Variants in TRHDE observed in about 807,000 individuals in gnomAD.
The protein encoded by TRHDE is thyrotropin releasing hormone degrading enzyme.
Under a neutral mutation model 125.7 loss-of-function variants are expected in TRHDE, and 72 were observed. That is an observed-to-expected ratio of 0.57 (90% CI 0.47 to 0.70). The LOEUF is 0.70. Among genes scored for constraint, TRHDE ranks in the 30% least tolerant of loss-of-function variants. TRHDE has a pLI of 0.00. For synonymous variants in TRHDE, 509 were observed against 509.1 expected, an observed-to-expected ratio of 1.00 and a Z score of 0.00; for missense variants, 1,110 against 1,327.1, an observed-to-expected ratio of 0.84 and a Z score of 2.54.
intron 2 of TRHDE, among the ~76,000 whole-genome samples, chr12:72,323,285 C>A (rs979756092): frequency 6.6e-6 from 1 of 152,126 alleles, no homozygotes; most frequent in Non-Finnish European, 1.5e-5. Context: ...ATATGGATGG[C>A]AGAGTGGCTT....
chr12:72,099,366 C>G (rs984414144), intron 1 of TRHDE, among the ~76,000 whole-genome samples: 11 of 152,236 alleles, frequency 7.2e-5, no homozygotes, highest in Middle Eastern at 3.4e-3. Flanking sequence ...TTTTAGAATA[C>G]TTGTTATATT....
intron 2 of TRHDE, among the ~76,000 whole-genome samples, chr12:72,154,231 T>A (rs1366778958): frequency 6.6e-6 from 1 of 152,114 alleles, no homozygotes; most frequent in East Asian, 1.9e-4. Context: ...CTGCCTTTTT[T>A]TGTTTTCCAT....
At chr12:72,384,279 G>T (rs1175793325) in intron 3 of TRHDE, among the ~76,000 whole-genome samples, 1 of 152,050 alleles carries the variant, frequency 6.6e-6, no homozygotes, top group Non-Finnish European at 1.5e-5. Flanking sequence ...CTTTTATGAA[G>T]AATTCATTAC....
intron 12 of TRHDE, among the ~76,000 whole-genome samples, chr12:72,594,526 C>G (rs1871844597): frequency 7.0e-6 from 1 of 143,406 alleles, no homozygotes. Context: ...TTTAATATTA[C>G]TAGGTATAAA....
At chr12:72,196,951 T>C (rs1388406289) in intron 2 of TRHDE, among the ~76,000 whole-genome samples, 8 of 152,144 alleles carry the variant, frequency 5.3e-5, no homozygotes, top group Non-Finnish European at 1.0e-4. Context: ...CCATTCTCCC[T>C]GAGCCCACTC....
In TRHDE at chr12:72,603,765, C is replaced by CA. The variant is rs60044516; in HGVS notation, c.2322-15119dup. Among the ~76,000 whole-genome samples, 624 of 151,518 alleles carry CA rather than the reference C, an allele frequency of 4.1e-3. 9 individuals are homozygous for CA. In the East Asian group the frequency reaches 0.047, roughly 11 times the overall value. ...AAACAAAACAAAACAACAACAACAA[C>CA]AAAAAAACAATGTAAGTATACAGAT... is the stretch of plus-strand genomic sequence containing the variant. On this transcript the variant is annotated intron_variant, in intron 12 of 18. Coordinates refer to ENST00000261180, the MANE Select transcript of TRHDE (RefSeq NM_013381.3).
chr12:72,535,687 GA>G lies in TRHDE; in HGVS notation c.1723-6594del, dbSNP rs978951527. The stretch of plus-strand genomic sequence containing the variant: ...TAAATATAGCTATCATATTATTATG[GA>G]AAAAAAAAACAGCGAAGAAAACATG... On this transcript the variant is annotated intron_variant, in intron 6 of 18. Transcript: ENST00000261180. Among the ~76,000 whole-genome samples, 950 of 144,694 alleles carry G rather than the reference GA, an allele frequency of 6.6e-3. 3 individuals carry two copies. The highest frequency in any genetic ancestry group is 0.018 in the African/African-American group (700 of 39,602). The allele number at this position is 144,694 out of a possible 152,430, so 94.9% of individuals were successfully genotyped here. A position where few individuals can be genotyped will look rare whatever the true frequency, so the allele number is the denominator to read the frequency against.
intron 2 of TRHDE, among the ~76,000 whole-genome samples, chr12:72,261,344 G>A (rs1878946445): frequency 6.6e-6 from 1 of 152,132 alleles, no homozygotes; most frequent in Non-Finnish European, 1.5e-5. Context: ...ACATTATTCA[G>A]CTTAGTGTAA....
At chr12:72,654,101 A>T (rs1874614559) in intron 17 of TRHDE, among the ~76,000 whole-genome samples, 1 of 152,196 alleles carries the variant, frequency 6.6e-6, no homozygotes, top group Admixed American at 6.6e-5. Context: ...GCTTTTGTGC[A>T]TATAATAGAG....
At chr12:72,289,799 A>T (rs1394015954) in intron 2 of TRHDE, among the ~76,000 whole-genome samples, 2 of 152,224 alleles carry the variant, frequency 1.3e-5, no homozygotes, top group Admixed American at 1.3e-4. Context: ...TATGCTATTA[A>T]GAAAATCACT....
intron 2 of TRHDE, among the ~76,000 whole-genome samples, chr12:72,196,149 C>T (rs556463570): frequency 3.9e-5 from 6 of 152,218 alleles, no homozygotes; most frequent in Admixed American, 3.9e-4. Flanking sequence ...AGTTTGAAGT[C>T]ATGTAATGTG....
intron 3 of TRHDE, among the ~76,000 whole-genome samples, chr12:72,441,215 G>T (rs1281334673): frequency 6.6e-6 from 1 of 151,680 alleles, no homozygotes. Context: ...ATTTTTGCTG[G>T]TGTTTTGCTT....
At chr12:72,655,939 T>C (rs2136112813) in intron 17 of TRHDE, among the ~76,000 whole-genome samples, 1 of 152,302 alleles carries the variant, frequency 6.6e-6, no homozygotes, top group African/African-American at 2.4e-5. Flanking sequence ...TCTCATTTTA[T>C]AGATGAGAAA....
intron 2 of TRHDE, among the ~76,000 whole-genome samples, chr12:72,182,247 T>A (rs1425041352): frequency 6.6e-6 from 1 of 152,174 alleles, no homozygotes; most frequent in Non-Finnish European, 1.5e-5. Flanking sequence ...TGGCTATAAC[T>A]GGAGTAACTG....
At chr12:72,229,432 C>T (rs1490319719) in intron 2 of TRHDE, among the ~76,000 whole-genome samples, 2 of 152,150 alleles carry the variant, frequency 1.3e-5, no homozygotes, top group African/African-American at 4.8e-5. Context: ...TACAAGGTCC[C>T]ACTCATGATG....
At chr12:72,425,395 T>C (rs567773976) in intron 3 of TRHDE, among the ~76,000 whole-genome samples, 165 of 152,236 alleles carry the variant, frequency 1.1e-3, no homozygotes, top group African/African-American at 3.8e-3. Context: ...CTTAGATGTT[T>C]TGAAATTCTT....
At chr12:72,471,224 T>A (rs1310924428) in intron 4 of TRHDE, among the ~76,000 whole-genome samples, 1 of 152,148 alleles carries the variant, frequency 6.6e-6, no homozygotes, top group African/African-American at 2.4e-5. Context: ...GTTTGATGTT[T>A]TTATCTGCCT....
chr12:72,127,519 A>G (rs1312975386), intron 2 of TRHDE, among the ~76,000 whole-genome samples: 1 of 152,214 alleles, frequency 6.6e-6, no homozygotes, highest in Admixed American at 6.5e-5. Flanking sequence ...TAAAAATGAA[A>G]TCATGTCATT....
chr12:72,595,810 A>G (rs1871914132), intron 12 of TRHDE, among the ~76,000 whole-genome samples: 1 of 152,136 alleles, frequency 6.6e-6, no homozygotes, highest in African/African-American at 2.4e-5. Context: ...AACATGCCAT[A>G]TAGCTTAGGC....
Sources: gnomAD v4.1 joint callset for allele counts (sites outside exome capture counted in the v4.1 genomes callset) on GRCh38, gnomAD v4.1.1 for gene constraint, MANE v1.5 for transcripts, NCBI Gene and HGNC (gene_info 2026-07-23, HGNC 2026-07-21) for gene names.